The following UST variants were observed in gnomAD, a reference collection of about 807,000 sequenced individuals.
UST encodes the protein uronyl 2-sulfotransferase.
A neutral mutation model predicts 45.6 loss-of-function variants in UST; 21 were observed. That is an observed-to-expected ratio of 0.46 (90% CI 0.33 to 0.66). The LOEUF (loss-of-function observed/expected upper bound fraction) is 0.66. UST is among the 30% of genes least tolerant of loss of function. The pLI is 0.02. For missense variants in UST, 463 were observed against 512.4 expected, an observed-to-expected ratio of 0.90 and a Z score of 0.93; for synonymous variants, 215 against 200.6, an observed-to-expected ratio of 1.07 and a Z score of -0.61.
At chr6:148,876,123 A>G (rs1778646616) in intron 1 of UST, among the ~76,000 whole-genome samples, 1 of 152,210 alleles carries the variant, frequency 6.6e-6, no homozygotes, top group African/African-American at 2.4e-5. Context: ...AGGAGGCCTC[A>G]GGAAGCTTAC....
chr6:148,837,135 T>C (rs1777798506), intron 1 of UST, among the ~76,000 whole-genome samples: 1 of 152,236 alleles, frequency 6.6e-6, no homozygotes, highest in Non-Finnish European at 1.5e-5. Context: ...GTTAGCATTT[T>C]AGGTGGCTTA....
intron 2 of UST, among the ~76,000 whole-genome samples, chr6:148,927,018 G>T (rs918484078): frequency 6.6e-6 from 1 of 152,010 alleles, no homozygotes; most frequent in African/African-American, 2.4e-5. Flanking sequence ...ACAATAATGG[G>T]GTATATTTAC....
rs562367014 is a variant in UST at position 148,790,272 on chromosome 6, C to T, written c.247+42595C>T. Among the ~76,000 whole-genome samples, 1 of 152,192 alleles carries T rather than the reference C, an allele frequency of 6.6e-6. No homozygotes were observed. Among genetic ancestry groups the T allele is most frequent in the East Asian group, 1.9e-4 (1 of 5,196 alleles). On this transcript the variant is annotated intron_variant, in intron 1 of 7. Transcript: ENST00000367463. This position sits in a 1 kb window ranked among gnomAD's most constrained non-coding sequence, Gnocchi z 4.2. ...ACTCCGTGCTCTTCTGTGCCTCCAA[C>T]TGGAATGAAAGCTTCTGGGAGTAGA...
chr6:148,778,697 C>T (rs1229252230), intron 1 of UST, among the ~76,000 whole-genome samples: 3 of 152,268 alleles, frequency 2.0e-5, no homozygotes, highest in East Asian at 3.9e-4. Context: ...TCCTAAGGCT[C>T]GCAGGGTCTG....
chr6:149,027,604 G>T (rs1271033015), intron 7 of UST: 1 of 152,132 alleles, frequency 6.6e-6, no homozygotes, highest in Non-Finnish European at 1.5e-5. Context: ...TTGTGGGGGT[G>T]GTCTCCACCT....
rs182976890 is a variant in UST at position 148,811,307 on chromosome 6, G to C, written c.247+63630G>C. 3.9e-5 allele frequency among the ~76,000 whole-genome samples: 6 copies of C among 152,272 alleles called. No homozygotes were observed. The East Asian group carries it at 1.2e-3, about 29-fold the overall frequency. On this transcript the variant is annotated intron_variant, in intron 1 of 7. Coordinates refer to ENST00000367463, the MANE Select transcript of UST (RefSeq NM_005715.3). ...TCTTTTAGTGATGCCTGGGTATTAT[G>C]AGAGTGGAAAGGCAGAGGCTATATG...
chr6:148,835,573 G>A (rs962450104), intron 1 of UST, among the ~76,000 whole-genome samples: 4 of 152,068 alleles, frequency 2.6e-5, no homozygotes, highest in African/African-American at 4.8e-5. Flanking sequence ...GTTTTGTCTC[G>A]AAGAGCTCAA....
intron 5 of UST, among the ~76,000 whole-genome samples, chr6:148,997,688 T>A (rs1351287028): frequency 6.6e-6 from 1 of 152,244 alleles, no homozygotes; most frequent in Non-Finnish European, 1.5e-5. Flanking sequence ...TCTGGGATTT[T>A]TTTGTTTGCT....
chr6:148,840,113 T>G (rs186603199), intron 1 of UST, among the ~76,000 whole-genome samples: 2 of 152,314 alleles, frequency 1.3e-5, no homozygotes, highest in East Asian at 3.9e-4. Context: ...ACAATGATAT[T>G]GAGAGGGCAA....
chr6:149,072,772 C>T (rs955802562), intron 7 of UST, among the ~76,000 whole-genome samples: 99 of 152,006 alleles, frequency 6.5e-4, no homozygotes, highest in African/African-American at 2.3e-3. Flanking sequence ...ATTCCACCTA[C>T]ATGAAGTACT....
intron 7 of UST, among the ~76,000 whole-genome samples, chr6:149,064,284 A>G (rs907684665): frequency 1.3e-5 from 2 of 152,074 alleles, no homozygotes; most frequent in African/African-American, 4.8e-5. Context: ...ACTTCCCCAC[A>G]CCCAACTTCG....
intron 1 of UST, among the ~76,000 whole-genome samples, chr6:148,767,536 A>G (rs1776344924): frequency 6.6e-6 from 1 of 152,230 alleles, no homozygotes; most frequent in Admixed American, 6.5e-5. Context: ...ACTGTTAGGC[A>G]TACTATCAAA....
intron 3 of UST, 58 bp downstream of exon 3, chr6:148,941,492 A>T (rs1780125194): frequency 1.3e-6 from 2 of 1,528,548 alleles, no homozygotes; most frequent in African/African-American, 2.8e-5. Context: ...TTGTGTAACT[A>T]GTGGGTGCCT....
rs117996267 is a variant in UST at position 148,871,384 on chromosome 6, C to T, written c.248-15602C>T. 1.1e-4 allele frequency among the ~76,000 whole-genome samples: 17 copies of T among 152,236 alleles called. No homozygotes were observed. The East Asian group carries it at 3.3e-3, about 29-fold the overall frequency. ...TGTATCCCCAGGATCCAGCACAATG[C>T]CCAGCATAGAGATTTTCAGTAAATC... On this transcript the variant is annotated intron_variant, in intron 1 of 7. Coordinates refer to ENST00000367463, the MANE Select transcript of UST (RefSeq NM_005715.3).
intron 1 of UST, among the ~76,000 whole-genome samples, chr6:148,796,292 T>C (rs1310878235): frequency 6.6e-6 from 1 of 152,224 alleles, no homozygotes; most frequent in South Asian, 2.1e-4. Flanking sequence ...GAAATTTTCT[T>C]GATAACAGAA....
At chr6:148,987,239 A>T (rs1260075507) in intron 5 of UST, among the ~76,000 whole-genome samples, 1 of 152,190 alleles carries the variant, frequency 6.6e-6, no homozygotes, top group African/African-American at 2.4e-5. Flanking sequence ...TTATCCTCCC[A>T]GCTTGTCTAG....
At chr6:148,897,803 T>C (rs765240369) in intron 2 of UST, among the ~76,000 whole-genome samples, 12 of 152,224 alleles carry the variant, frequency 7.9e-5, no homozygotes, top group Non-Finnish European at 1.8e-4. Flanking sequence ...TTTGGATTTT[T>C]AAAAGCAATT....
At chr6:149,054,971 T>G (rs1422853410) in intron 7 of UST, among the ~76,000 whole-genome samples, 1 of 152,170 alleles carries the variant, frequency 6.6e-6, no homozygotes, top group Non-Finnish European at 1.5e-5. Context: ...ACTCATGGTT[T>G]ATCGCATGAG....
intron 1 of UST, among the ~76,000 whole-genome samples, chr6:148,865,435 A>G (rs562698159): frequency 6.6e-6 from 1 of 152,282 alleles, no homozygotes; most frequent in Non-Finnish European, 1.5e-5. Flanking sequence ...TTGTGATCAG[A>G]GGTACTGTAG....
Sources: gnomAD v4.1 joint callset for allele counts (sites outside exome capture counted in the v4.1 genomes callset) on GRCh38, gnomAD v4.1.1 for gene constraint, Gnocchi (gnomAD v3.1) non-coding constraint, MANE v1.5 for transcripts, NCBI Gene and HGNC (gene_info 2026-07-23, HGNC 2026-07-21) for gene names.